Variants in AP2A2 observed in about 807,000 individuals in gnomAD.
AP2A2 encodes AP-2 complex subunit alpha-2.
AP2A2 carries 32 observed loss-of-function variants against 104.2 expected under a neutral mutation model. The observed-to-expected ratio is 0.31, with a 90% confidence interval of 0.23 to 0.41. The LOEUF is 0.41. AP2A2 is among the 10% of genes least tolerant of loss of function. The pLI, the probability that AP2A2 is intolerant of heterozygous loss-of-function variation, is 1.00. For synonymous variants in AP2A2, 539 were observed against 533.3 expected (o/e 1.01, Z -0.15); for missense variants, 912 against 1,261.0 (o/e 0.72, Z 4.19).
intron 1 of AP2A2, among the ~76,000 whole-genome samples, chr11:938,421 G>T (rs1853534751): frequency 6.6e-6 from 1 of 151,836 alleles, no homozygotes; most frequent in African/African-American, 2.4e-5. Flanking sequence ...CATTTATGAG[G>T]TAATGCTTTT....
rs1048791924 is a variant in AP2A2 at position 993,139 on chromosome 11, G to C, written c.1453-145G>C. On this transcript the variant is annotated intron_variant, in intron 11 of 21. Transcript: ENST00000448903. The surrounding 1 kb of genome is among the most constrained non-coding windows in gnomAD (Gnocchi z 8.2). ...TGACACAGGTACTGAGGGTGCTGAG[G>C]AAGGCAGGGATGGGCACTTGGACTG... 1 of 630,082 alleles carries C rather than the reference G, an allele frequency of 1.6e-6. No individual in the cohort carries two copies. Among genetic ancestry groups the C allele is most frequent in the African/African-American group, 1.8e-5 (1 of 54,246 alleles). The allele number at this position is 630,082 out of a possible 1,614,324, so 39.0% of individuals were successfully genotyped here.
intron 1 of AP2A2, among the ~76,000 whole-genome samples, chr11:934,780 A>G (rs2134460166): frequency 6.6e-6 from 1 of 151,946 alleles, no homozygotes; most frequent in Non-Finnish European, 1.5e-5. Flanking sequence ...CTGTATTAGG[A>G]TTTATGTTTT....
intron 9 of AP2A2, among the ~76,000 whole-genome samples, chr11:987,825 G>C (rs1269571046): frequency 6.6e-6 from 1 of 152,252 alleles, no homozygotes; most frequent in Non-Finnish European, 1.5e-5. Flanking sequence ...GGGAGGCGGG[G>C]AGCTGCATGT....
intron 9 of AP2A2, among the ~76,000 whole-genome samples, chr11:987,512 C>T (rs530594667): frequency 1.8e-4 from 28 of 152,098 alleles, no homozygotes; most frequent in Admixed American, 1.6e-3. Context: ...ATTAGCCGGG[C>T]GTGGTGGCGG....
At chr11:948,542 T>C (rs939859824) in intron 1 of AP2A2, 2 of 152,206 alleles carry the variant, frequency 1.3e-5, no homozygotes, top group African/African-American at 2.4e-5. Flanking sequence ...AATAGACTTA[T>C]AATAAGTAAA....
intron 6 of AP2A2, among the ~76,000 whole-genome samples, chr11:982,383 A>G (rs1192949712): frequency 1.3e-5 from 2 of 152,198 alleles, no homozygotes; most frequent in Non-Finnish European, 1.5e-5. Flanking sequence ...TTTCCAGATT[A>G]TCAATGAGGT....
chr11:1,010,950 T>C lies in AP2A2; in HGVS notation c.*325T>C, dbSNP rs1856407190. ...GGCGTGAACGTGGCGTTTGTGGGAG[T>C]GTCACTGAGATGGCCCGTGCTGCCG... is the stretch of plus-strand genomic sequence containing the variant. On this transcript the variant is annotated 3_prime_UTR_variant, in exon 22 of 22. Coordinates refer to ENST00000448903, the MANE Select transcript of AP2A2 (RefSeq NM_012305.4). 1.4e-6 allele frequency: 1 copy of C among 725,362 alleles called. No individual in the cohort carries two copies. Among genetic ancestry groups the C allele is most frequent in the Non-Finnish European group, 2.5e-6 (1 of 395,268 alleles). 44.9% of individuals were successfully genotyped at this position (725,362 alleles called of 1,614,324 possible). A position where few individuals can be genotyped will look rare whatever the true frequency, so the allele number is the denominator to read the frequency against.
chr11:994,053 A>AC lies in AP2A2; in HGVS notation c.1783-16dup. 1.9e-6 allele frequency: 3 copies of AC among 1,611,900 alleles called. No homozygotes were observed. The highest frequency in any genetic ancestry group is 2.5e-6 in the Non-Finnish European group (3 of 1,179,404). On this transcript the variant is annotated intron_variant, in intron 13 of 21. Transcript: ENST00000448903. The stretch of plus-strand genomic sequence containing the variant: ...GAGGCCAGGAGCTCTGACCAGTCCC[A>AC]CCCTGTGTTCTTTCCAAGGCGACCG...
At chr11:966,983 A>G (rs1168928846) in intron 2 of AP2A2, among the ~76,000 whole-genome samples, 1 of 152,256 alleles carries the variant, frequency 6.6e-6, no homozygotes, top group Non-Finnish European at 1.5e-5. Flanking sequence ...CCTGGCCAAC[A>G]TGGTGAAACC....
chr11:972,267 G>A lies in AP2A2; in HGVS notation c.473+12G>A. 3.2e-6 allele frequency: 5 copies of A among 1,575,352 alleles called. No homozygotes were observed. Among genetic ancestry groups the A allele is most frequent in the Non-Finnish European group, 4.3e-6 (5 of 1,165,926 alleles). On this transcript the variant is annotated intron_variant, in intron 4 of 21. Coordinates refer to ENST00000448903, the MANE Select transcript of AP2A2 (RefSeq NM_012305.4). ...GTCCTCGTAGCCGGGTATGTGCCGGGCTCGTGCCGGGCTCCTGCTGAAGAT... is the reference window on the plus strand; with the variant it reads ...GTCCTCGTAGCCGGGTATGTGCCGGACTCGTGCCGGGCTCCTGCTGAAGAT...
intron 2 of AP2A2, among the ~76,000 whole-genome samples, chr11:967,752 C>T (rs771413286): frequency 2.5e-4 from 38 of 152,132 alleles, no homozygotes; most frequent in Admixed American, 2.6e-4. Context: ...GTGGCTGCAT[C>T]TTTCAGACTG....
At chr11:926,177 CG>C in intron 1 of AP2A2, 89 bp downstream of exon 1, 1 of 766,940 alleles carries the variant, frequency 1.3e-6, no homozygotes, top group Non-Finnish European at 1.6e-6. Context: ...GGCCTCGAGG[CG>C]GGGGTGCAGG....
At chr11:956,684 A>G (rs888504913) in intron 1 of AP2A2, 4 of 152,184 alleles carry the variant, frequency 2.6e-5, no homozygotes, top group African/African-American at 9.7e-5. Flanking sequence ...CATACATGCA[A>G]GTGTTTGTTG....
At chr11:941,824 T>G (rs1354854182) in intron 1 of AP2A2, among the ~76,000 whole-genome samples, 1 of 152,038 alleles carries the variant, frequency 6.6e-6, no homozygotes, top group Non-Finnish European at 1.5e-5. Context: ...TGATCTCAAG[T>G]GATCTGGTGG....
intron 15 of AP2A2, among the ~76,000 whole-genome samples, chr11:1,001,986 G>A (rs542251950): frequency 6.2e-4 from 94 of 152,300 alleles, no homozygotes; most frequent in Middle Eastern, 3.4e-3. Context: ...AGGGCGAGCC[G>A]GCTGTGGTGG....
At chr11:952,092 C>G (rs1190881662) in intron 1 of AP2A2, among the ~76,000 whole-genome samples, 1 of 152,172 alleles carries the variant, frequency 6.6e-6, no homozygotes, top group East Asian at 1.9e-4. Context: ...TGGTCTCGAG[C>G]TCCTGGACTC....
rs766171655 is a variant in AP2A2 at position 977,130 on chromosome 11, T to C, written c.509T>C (p.Leu170Pro). 2.5e-6 allele frequency: 4 copies of C among 1,613,784 alleles called. No homozygotes were observed. In the South Asian group the frequency reaches 3.3e-5, roughly 13 times the overall value. ...GACAGCGTGAAGCAGAGCGCGGCCCTGTGCTTGCTGCGCCTGTACAGGACG... is the reference window on the plus strand; with the variant it reads ...GACAGCGTGAAGCAGAGCGCGGCCCCGTGCTTGCTGCGCCTGTACAGGACG... ...TMDSVKQSAA[L>P]CLLRLYRTSP... is the part of the protein sequence containing the mutation. The change falls in exon 5 of 22, where the codon CTG becomes CCG. Residue 170 changes from leucine to proline, a missense_variant. Physicochemically the swap from Leu to Pro is moderately conservative, Grantham distance 98. Around this residue, in one of 7 missense-constraint regions of AP2A2, gnomAD observed 350 missense variants for 487.0 expected, o/e 0.72. Coordinates refer to ENST00000448903, the MANE Select transcript of AP2A2 (RefSeq NM_012305.4).
At chr11:973,602 T>C (rs771959679) in intron 4 of AP2A2, among the ~76,000 whole-genome samples, 2 of 151,122 alleles carry the variant, frequency 1.3e-5, no homozygotes, top group East Asian at 3.9e-4. Flanking sequence ...CATTCAGTCA[T>C]AGGTGGCAGA....
chr11:977,628 A>G (rs1400126472), intron 5 of AP2A2, among the ~76,000 whole-genome samples: 1 of 151,598 alleles, frequency 6.6e-6, no homozygotes, highest in East Asian at 1.9e-4. Flanking sequence ...GCATACACCA[A>G]GGGTGGAGGT....
Sources: allele counts gnomAD v4.1 joint callset (sites outside exome capture counted in the v4.1 genomes callset), GRCh38; gene constraint gnomAD v4.1.1; regional missense constraint gnomAD v4.1.1; non-coding constraint Gnocchi (gnomAD v3.1); transcripts MANE v1.5; gene names NCBI Gene and HGNC (gene_info 2026-07-23, HGNC 2026-07-21).